Variants in PRKCH observed in about 807,000 individuals in gnomAD.
PRKCH encodes protein kinase C eta type.
Under a neutral mutation model 82.5 loss-of-function variants are expected in PRKCH, and 28 were observed. The ratio of observed to expected loss-of-function variants is 0.34; its 90% CI spans 0.25 to 0.47. The LOEUF (loss-of-function observed/expected upper bound fraction) is 0.47, where lower values mean the gene tolerates loss of function less well. Among genes scored for constraint, PRKCH ranks in the 20% least tolerant of loss-of-function variants. The pLI, the probability that PRKCH is intolerant of heterozygous loss-of-function variation, is 1.00. For synonymous variants in PRKCH, 322 were observed against 327.4 expected (o/e 0.98, Z 0.18); for missense variants, 705 against 881.8 (o/e 0.80, Z 2.54).
intron 1 of PRKCH, among the ~76,000 whole-genome samples, chr14:61,211,036 AG>A (rs1343889875): frequency 6.6e-6 from 1 of 152,182 alleles, no homozygotes; most frequent in African/African-American, 2.4e-5. Context: ...ACATGGAGGA[AG>A]GCAAACTGGA....
intron 1 of PRKCH, among the ~76,000 whole-genome samples, chr14:61,359,929 C>T (rs2046200875): frequency 6.6e-6 from 1 of 152,160 alleles, no homozygotes; most frequent in African/African-American, 2.4e-5. Flanking sequence ...TGTAGAAGTC[C>T]TGATGGATAA....
intron 1 of PRKCH, among the ~76,000 whole-genome samples, chr14:61,248,212 T>C (rs1167750034): frequency 1.3e-5 from 2 of 152,192 alleles, no homozygotes; most frequent in East Asian, 3.8e-4. Flanking sequence ...CCTGGTGGGT[T>C]GACCCATATC....
intron 9 of PRKCH, among the ~76,000 whole-genome samples, chr14:61,483,104 G>A (rs1886056804): frequency 6.6e-6 from 1 of 152,206 alleles, no homozygotes. Flanking sequence ...GATGATTCAG[G>A]GTGGCTTTTT....
chr14:61,353,569 C>T (rs1468001404), intron 1 of PRKCH: 2 of 151,996 alleles, frequency 1.3e-5, no homozygotes, highest in East Asian at 3.8e-4. Flanking sequence ...CCTTGGAGTA[C>T]CCTGTGGGAA....
intron 3 of PRKCH, among the ~76,000 whole-genome samples, chr14:61,443,587 C>G (rs1387051484): frequency 6.6e-6 from 1 of 152,148 alleles, no homozygotes; most frequent in Non-Finnish European, 1.5e-5. Context: ...TAATCAGCCC[C>G]TAAGGACCAA....
chr14:61,196,425 C>T (rs2044443325), intron 1 of PRKCH, among the ~76,000 whole-genome samples: 1 of 152,222 alleles, frequency 6.6e-6, no homozygotes, highest in Non-Finnish European at 1.5e-5. Flanking sequence ...GGTTGCTAAT[C>T]TGCTCAGCCG....
At chr14:61,212,034 A>C (rs2044585629) in intron 1 of PRKCH, among the ~76,000 whole-genome samples, 2 of 152,114 alleles carry the variant, frequency 1.3e-5, no homozygotes, top group Non-Finnish European at 2.9e-5. Flanking sequence ...TAATCCCTCC[A>C]TCCTTAACTG....
At chr14:61,542,646 G>T (rs1177392450) in intron 12 of PRKCH, among the ~76,000 whole-genome samples, 1 of 152,198 alleles carries the variant, frequency 6.6e-6, no homozygotes, top group African/African-American at 2.4e-5. Context: ...AACAGGGAGA[G>T]CCAGATGAGC....
intron 1 of PRKCH, among the ~76,000 whole-genome samples, chr14:61,230,783 TCAGAACTCTGCC>T (rs1193676602): frequency 2.0e-5 from 3 of 152,212 alleles, no homozygotes; most frequent in Non-Finnish European, 4.4e-5. Flanking sequence ...CCCTTCTAAT[TCAGAACTCTGCC>T]CTCAGGAAGA....
chr14:61,258,687 T>C (rs1194900934), intron 1 of PRKCH, among the ~76,000 whole-genome samples: 2 of 152,208 alleles, frequency 1.3e-5, no homozygotes, highest in African/African-American at 2.4e-5. Context: ...AATATAGATA[T>C]CTTTGGCCCA....
At chr14:61,307,322 C>T (rs980720055) in intron 1 of PRKCH, 3 of 152,212 alleles carry the variant, frequency 2.0e-5, no homozygotes, top group East Asian at 3.8e-4. Flanking sequence ...CAGAAACAAA[C>T]TTGTCACAGA....
intron 1 of PRKCH, among the ~76,000 whole-genome samples, chr14:61,223,195 A>G (rs1196186615): frequency 1.3e-5 from 2 of 152,216 alleles, no homozygotes; most frequent in African/African-American, 4.8e-5. Flanking sequence ...AACCCAGGAA[A>G]GGATCCAGGT....
intron 1 of PRKCH, among the ~76,000 whole-genome samples, chr14:61,302,377 C>T (rs1019228315): frequency 2.6e-5 from 4 of 152,214 alleles, no homozygotes; most frequent in East Asian, 1.9e-4. Flanking sequence ...GCCCTGGGTC[C>T]GGGTTGGGGG....
chr14:61,381,263 C>T (rs895054826), intron 1 of PRKCH, among the ~76,000 whole-genome samples: 4 of 152,090 alleles, frequency 2.6e-5, no homozygotes, highest in African/African-American at 4.8e-5. Context: ...ACATAGGATC[C>T]GGATTGAGCA....
At chr14:61,377,896 A>G (rs114150034) in intron 1 of PRKCH, among the ~76,000 whole-genome samples, 1,791 of 152,248 alleles carry the variant, frequency 0.012, 43 homozygotes, top group African/African-American at 0.041. Context: ...GTTAATCTCT[A>G]TCATTTTACA....
chr14:61,219,936 G>A (rs538289171), intron 1 of PRKCH, among the ~76,000 whole-genome samples: 3 of 152,324 alleles, frequency 2.0e-5, no homozygotes, highest in African/African-American at 7.2e-5. Flanking sequence ...AATTTAGTAT[G>A]TAAGACTAGA....
chr14:61,198,746 T>G (rs571724689), intron 1 of PRKCH, among the ~76,000 whole-genome samples: 1 of 152,196 alleles, frequency 6.6e-6, no homozygotes, highest in African/African-American at 2.4e-5. Flanking sequence ...AAGGATTTGC[T>G]AAGTAGCTAC....
intron 1 of PRKCH, among the ~76,000 whole-genome samples, chr14:61,228,610 C>A (rs1318012343): frequency 1.7e-4 from 3 of 17,774 alleles, no homozygotes; most frequent in Non-Finnish European, 9.2e-4. Context: ...ATTTTAGCCT[C>A]CCAAGATTTT....
At chr14:61,422,117 T>G (rs956922366) in intron 2 of PRKCH, among the ~76,000 whole-genome samples, 1 of 152,188 alleles carries the variant, frequency 6.6e-6, no homozygotes, top group Middle Eastern at 3.2e-3. Context: ...AGGGTCTTAC[T>G]CTGTCACCCA....
Sources: gnomAD v4.1 joint callset for allele counts (sites outside exome capture counted in the v4.1 genomes callset) on GRCh38, gnomAD v4.1.1 for gene constraint, MANE v1.5 for transcripts, NCBI Gene and HGNC (gene_info 2026-07-23, HGNC 2026-07-21) for gene names.